Variants in NPAS3 observed in about 807,000 individuals in gnomAD.
NPAS3 encodes neuronal PAS domain protein 3, also known as neuronal PAS domain-containing protein 3.
In NPAS3, 14 loss-of-function variants were observed where a neutral mutation model predicts 73.1. The observed-to-expected ratio is 0.19, with a 90% CI of 0.13 to 0.30. The LOEUF (loss-of-function observed/expected upper bound fraction) is 0.30, where lower values mean the gene tolerates loss of function less well. NPAS3 is among the 10% of genes least tolerant of loss of function. NPAS3 has a pLI of 1.00. For synonymous variants in NPAS3, 620 were observed against 541.5 expected (o/e 1.14, Z -2.01); for missense variants, 1,096 against 1,250.0 (o/e 0.88, Z 1.86).
chr14:32,958,901 G>T (rs2036790461), intron 1 of NPAS3, among the ~76,000 whole-genome samples: 1 of 152,156 alleles, frequency 6.6e-6, no homozygotes, highest in Non-Finnish European at 1.5e-5. Flanking sequence ...ATTTTGCTCT[G>T]CCAAACTATA....
intron 3 of NPAS3, among the ~76,000 whole-genome samples, chr14:33,292,236 A>G (rs2042128169): frequency 6.6e-6 from 1 of 152,208 alleles, no homozygotes; most frequent in African/African-American, 2.4e-5. Flanking sequence ...ACCAACCAAT[A>G]AAACATGGCT....
At chr14:33,509,314 C>T (rs554926977) in intron 4 of NPAS3, among the ~76,000 whole-genome samples, 25 of 152,062 alleles carry the variant, frequency 1.6e-4, no homozygotes, top group African/African-American at 5.5e-4. Flanking sequence ...AGAATCTAAG[C>T]GCTATAAAGG....
At chr14:33,550,905 A>T (rs1307501692) in intron 4 of NPAS3, among the ~76,000 whole-genome samples, 1 of 152,210 alleles carries the variant, frequency 6.6e-6, no homozygotes, top group African/African-American at 2.4e-5. Context: ...ACTCACAAAA[A>T]ATTTTAAAAA....
chr14:33,187,251 T>C (rs2046009803), intron 2 of NPAS3, among the ~76,000 whole-genome samples: 1 of 152,212 alleles, frequency 6.6e-6, no homozygotes, highest in Non-Finnish European at 1.5e-5. Context: ...GCTTTCTGAC[T>C]TTCTCCATTC....
At chr14:33,585,640 A>G (rs2056834280) in intron 5 of NPAS3, among the ~76,000 whole-genome samples, 1 of 152,236 alleles carries the variant, frequency 6.6e-6, no homozygotes, top group African/African-American at 2.4e-5. Flanking sequence ...TCAGAGATAC[A>G]TGACTCTTAT....
At chr14:33,566,426 G>T (rs555967781) in intron 5 of NPAS3, among the ~76,000 whole-genome samples, 16 of 152,194 alleles carry the variant, frequency 1.1e-4, no homozygotes, top group African/African-American at 3.9e-4. Context: ...TCCAGATATT[G>T]AACTGCTCGT....
At chr14:33,297,284 G>A (rs996336996) in intron 3 of NPAS3, among the ~76,000 whole-genome samples, 4 of 151,968 alleles carry the variant, frequency 2.6e-5, no homozygotes. Flanking sequence ...TGTGAGTATT[G>A]CATAACTTAA....
intron 4 of NPAS3, among the ~76,000 whole-genome samples, chr14:33,388,701 G>T (rs1273998114): frequency 6.6e-6 from 1 of 152,090 alleles, no homozygotes; most frequent in Non-Finnish European, 1.5e-5. Flanking sequence ...CTTCTTTCCA[G>T]ATTGGGAAAC....
intron 4 of NPAS3, among the ~76,000 whole-genome samples, chr14:33,435,932 C>T (rs890265126): frequency 6.6e-6 from 1 of 152,148 alleles, no homozygotes; most frequent in African/African-American, 2.4e-5. Context: ...CTTGAGGCCT[C>T]GCAGACATCA....
At chr14:33,430,018 A>G (rs902335584) in intron 4 of NPAS3, among the ~76,000 whole-genome samples, 4 of 152,146 alleles carry the variant, frequency 2.6e-5, no homozygotes, top group Non-Finnish European at 4.4e-5. Flanking sequence ...TCATTTAGAT[A>G]CAAGGGGGTG....
intron 5 of NPAS3, among the ~76,000 whole-genome samples, chr14:33,633,871 C>T (rs1474231226): frequency 2.0e-5 from 3 of 152,062 alleles, no homozygotes; most frequent in Non-Finnish European, 4.4e-5. Flanking sequence ...CCCAGCTCCT[C>T]TAAAGGCTGA....
intron 1 of NPAS3, among the ~76,000 whole-genome samples, chr14:32,968,119 G>C (rs2037262405): frequency 6.6e-6 from 1 of 152,046 alleles, no homozygotes; most frequent in South Asian, 2.1e-4. Context: ...GTTGGTCAGG[G>C]GTGCAGAGTG....
intron 2 of NPAS3, among the ~76,000 whole-genome samples, chr14:33,205,775 A>G (rs764574343): frequency 5.9e-5 from 9 of 152,220 alleles, no homozygotes. Context: ...TAAATTTTTC[A>G]TACATAAAGA....
chr14:33,509,241 G>A (rs2052922610), intron 4 of NPAS3, among the ~76,000 whole-genome samples: 1 of 151,894 alleles, frequency 6.6e-6, no homozygotes, highest in African/African-American at 2.4e-5. Flanking sequence ...TATTCAACTT[G>A]TTACATTTTA....
intron 7 of NPAS3, among the ~76,000 whole-genome samples, chr14:33,737,719 C>T (rs571859503): frequency 1.3e-5 from 2 of 152,290 alleles, no homozygotes; most frequent in South Asian, 4.2e-4. Context: ...CATGGCATGA[C>T]ACAGCTGAAT....
At chr14:33,376,371 C>T (rs1037092123) in intron 4 of NPAS3, among the ~76,000 whole-genome samples, 2 of 152,084 alleles carry the variant, frequency 1.3e-5, no homozygotes, top group Admixed American at 6.6e-5. Flanking sequence ...TACTTTGTCA[C>T]AATCTGAAAA....
intron 7 of NPAS3, among the ~76,000 whole-genome samples, chr14:33,757,161 T>C (rs182187402): frequency 2.5e-4 from 38 of 152,302 alleles, no homozygotes; most frequent in African/African-American, 8.9e-4. Context: ...GACTGAAGCT[T>C]GAGACTGAAT....
intron 3 of NPAS3, among the ~76,000 whole-genome samples, chr14:33,262,191 T>C (rs2048998628): frequency 6.6e-6 from 1 of 152,210 alleles, no homozygotes; most frequent in South Asian, 2.1e-4. Context: ...TTTCTGCCTC[T>C]GCCTTCATCA....
chr14:33,701,222 C>T (rs1197633666), intron 6 of NPAS3, among the ~76,000 whole-genome samples: 1 of 152,230 alleles, frequency 6.6e-6, no homozygotes, highest in East Asian at 1.9e-4. Flanking sequence ...AGTTCCATAA[C>T]AACCCTGTGA....
Sources: allele counts gnomAD v4.1 joint callset (sites outside exome capture counted in the v4.1 genomes callset), GRCh38; gene constraint gnomAD v4.1.1; transcripts MANE v1.5; gene names NCBI Gene and HGNC (gene_info 2026-07-23, HGNC 2026-07-21).